MRPL58: variants seen among roughly 807,000 people sequenced by gnomAD.
The protein encoded by MRPL58 is large ribosomal subunit protein mL62.
A neutral mutation model predicts 26.0 loss-of-function variants in MRPL58; 17 were observed. That is an observed-to-expected ratio of 0.65 (90% CI 0.45 to 0.98). MRPL58 has a LOEUF of 0.98. MRPL58 is among the 50% of genes least tolerant of loss of function. The probability of loss-of-function intolerance (pLI) is 0.00; values close to 1 mark genes in which losing one functional copy is unlikely to be tolerated. For synonymous variants in MRPL58, 100 were observed against 99.7 expected (o/e 1.00, Z -0.02); for missense variants, 250 against 269.0 (o/e 0.93, Z 0.49).
In MRPL58 at chr17:75,019,117, G is replaced by A. The variant is rs192874048; in HGVS notation, c.224-583G>A. On this transcript the variant is annotated intron_variant, in intron 2 of 5. Transcript: ENST00000301585. ...TGGACTCCAGCCTGGGTGCCAGAGTGAGACCCTGTCTCAAAAAAAAAAAAA... is the reference window on the plus strand; with the variant it reads ...TGGACTCCAGCCTGGGTGCCAGAGTAAGACCCTGTCTCAAAAAAAAAAAAA... Among the ~76,000 whole-genome samples the A allele has an allele frequency of 2.0e-3, 281 of 139,780 alleles. 3 individuals carry two copies. Among genetic ancestry groups the A allele is most frequent in the African/African-American group, 7.5e-3 (260 of 34,886 alleles). 91.7% of individuals were successfully genotyped at this position (139,780 alleles called of 152,430 possible).
Position 75,021,023 on chromosome 17 carries a change from G to A in MRPL58, c.*18G>A. 2 of 1,575,250 alleles carry A rather than the reference G, an allele frequency of 1.3e-6. No individual in the cohort carries two copies. The highest frequency in any genetic ancestry group is 1.7e-6 in the Non-Finnish European group (2 of 1,144,604). On this transcript the variant is annotated 3_prime_UTR_variant, in exon 6 of 6. Transcript: ENST00000301585. ...TGGACTGAAATCACCCTCTGCAGCT[G>A]GGAGGGCTCTTCTGGGCGTCCGGGC...
intron 2 of MRPL58, among the ~76,000 whole-genome samples, chr17:75,017,475 G>A (rs112027390): frequency 9.2e-5 from 14 of 152,222 alleles, no homozygotes; most frequent in African/African-American, 2.9e-4. Context: ...TAGGCCAGGC[G>A]CAGTGGCTCA....
chr17:75,015,900 T>G (rs2039970412), intron 1 of MRPL58, among the ~76,000 whole-genome samples: 2 of 151,584 alleles, frequency 1.3e-5, no homozygotes, highest in African/African-American at 4.8e-5. Context: ...CAATCCTGCC[T>G]CAGCCTCCCC....
chr17:75,020,716 G>C (rs557030753), intron 5 of MRPL58, 59 bp downstream of exon 5: 1 of 1,541,890 alleles, frequency 6.5e-7, no homozygotes, highest in African/African-American at 1.4e-5. Flanking sequence ...AGTCTACACA[G>C]GTAAGGAAGG....
chr17:75,016,957 C>T (rs2039978511), intron 1 of MRPL58, 121 bp from the exon 2 acceptor site: 1 of 782,592 alleles, frequency 1.3e-6, no homozygotes, highest in Admixed American at 1.8e-5. Context: ...TGCAGGGGAC[C>T]TGAAAATACT....
Position 75,020,485 on chromosome 17 carries a change from C to T in MRPL58, c.367-3C>T, listed in dbSNP as rs1249305582. On this transcript the variant is annotated splice_region_variant and splice_polypyrimidine_tract_variant and intron_variant, in intron 4 of 5. Transcript: ENST00000301585. ...ACTCCAGTTTTTCATTTGTTCTCTG[C>T]AGCATAAAAACAAGATCAACAGGTT... 1.9e-6 allele frequency: 3 copies of T among 1,613,940 alleles called. No individual in the cohort carries two copies. Among genetic ancestry groups the T allele is most frequent in the East Asian group, 4.5e-5 (2 of 44,882 alleles).
At chr17:75,013,692 AACG>A (rs2039950555) in intron 1 of MRPL58, among the ~76,000 whole-genome samples, 1 of 152,218 alleles carries the variant, frequency 6.6e-6, no homozygotes, top group Non-Finnish European at 1.5e-5. Context: ...GCATTTGAAT[AACG>A]ACCTGGAAGA....
chr17:75,020,604 C>T lies in MRPL58; in HGVS notation c.483C>T (p.Ala161=), dbSNP rs745664317. ...AAATTCGAGACATGATCACTGAGGCCAGCCAGACACCGAAGGAGCCAACAA... is the reference window on the plus strand; with the variant it reads ...AAATTCGAGACATGATCACTGAGGCTAGCCAGACACCGAAGGAGCCAACAA... ...LQKIRDMITE[A]SQTPKEPTKE... The change falls in exon 5 of 6, where the codon GCC becomes GCT. Residue 161 remains alanine (A), a synonymous_variant. Transcript: ENST00000301585. 2 of 1,614,128 alleles carry T rather than the reference C, an allele frequency of 1.2e-6. No homozygotes were observed. The highest frequency in any genetic ancestry group is 2.2e-5 in the South Asian group (2 of 91,082).
At chr17:75,013,114 G>T (rs558755473) in intron 1 of MRPL58, among the ~76,000 whole-genome samples, 1 of 152,232 alleles carries the variant, frequency 6.6e-6, no homozygotes, top group Non-Finnish European at 1.5e-5. Context: ...GCTTTTCTAC[G>T]TTCGTGTCCT....
Position 75,020,160 on chromosome 17 carries a change from C to T in MRPL58, c.284-153C>T, listed in dbSNP as rs752295059. 1.4e-5 allele frequency: 9 copies of T among 633,762 alleles called. No homozygotes were observed. The African/African-American group carries it at 1.5e-4, about 10-fold the overall frequency. The allele number at this position is 633,762 out of a possible 1,614,324, so 39.3% of individuals were successfully genotyped here. ...GCCCAAAAGTGCCTCACTGTCTTTG[C>T]GGGCTTGTTCATAGCCAACTTGGAC... is the stretch of plus-strand genomic sequence containing the variant. On this transcript the variant is annotated intron_variant, in intron 3 of 5. Coordinates refer to ENST00000301585, the MANE Select transcript of MRPL58 (RefSeq NM_001545.3).
intron 2 of MRPL58, among the ~76,000 whole-genome samples, 179 bp downstream of exon 2, chr17:75,017,293 AAAAAATT>A (rs953731920): frequency 3.3e-5 from 5 of 151,686 alleles, no homozygotes; most frequent in Non-Finnish European, 5.9e-5. Context: ...CTCTATCTGG[AAAAAATT>A]AAAAATTAAA....
At position 75,019,772 on chromosome 17, in the gene MRPL58, T is replaced by C; in HGVS notation, c.283+13T>C. The C allele has an allele frequency of 1.3e-6, 2 of 1,585,264 alleles. No individual in the cohort carries two copies. The highest frequency in any genetic ancestry group is 3.5e-5 in the Admixed American group (2 of 57,510). On this transcript the variant is annotated intron_variant, in intron 3 of 5. Transcript: ENST00000301585. ...AATGTGAACAAAGGTACGGGGTGCC[T>C]TGTTGCTTTCTTTTGCTTTAAAATG...
At chr17:75,014,235 G>T (rs2039956564) in intron 1 of MRPL58, among the ~76,000 whole-genome samples, 1 of 142,582 alleles carries the variant, frequency 7.0e-6, no homozygotes, top group Non-Finnish European at 1.5e-5. Context: ...GCCCAGGCTG[G>T]AGTGCAGTGA....
chr17:75,019,682 C>T lies in MRPL58; in HGVS notation c.224-18C>T, dbSNP rs760058537. ...TGAGGTAATCAGTTTTGTGTGTGTA[C>T]TTTCTTCTGTTTTACAGATCGCTTG... On this transcript the variant is annotated intron_variant, in intron 2 of 5. Transcript: ENST00000301585. 1.9e-6 allele frequency: 3 copies of T among 1,611,794 alleles called. No individual in the cohort carries two copies. The highest frequency in any genetic ancestry group is 2.5e-6 in the Non-Finnish European group (3 of 1,178,080).
At chr17:75,019,783 T>C (rs776324971) in intron 3 of MRPL58, 24 bp downstream of exon 3, 1 of 1,577,334 alleles carries the variant, frequency 6.3e-7, no homozygotes, top group Non-Finnish European at 8.7e-7. Context: ...TGTTGCTTTC[T>C]TTTGCTTTAA....
Position 75,012,710 on chromosome 17 carries a change from C to T in MRPL58, c.24C>T (p.Arg8=), listed in dbSNP as rs1249188338. 1.9e-6 allele frequency: 3 copies of T among 1,565,870 alleles called. No homozygotes were observed. Among genetic ancestry groups the T allele is most frequent in the African/African-American group, 1.4e-5 (1 of 73,262 alleles). ...GCATGGCGGCCACCAGGTGCCTGCG[C>T]TGGGGCCTGAGCCGAGCCGGAGTCT... MAATRCL[R]WGLSRAGVWL... Residue 8 remains arginine, a synonymous_variant, in exon 1 of 6, where the codon CGC becomes CGT. Coordinates refer to ENST00000301585, the MANE Select transcript of MRPL58 (RefSeq NM_001545.3).
chr17:75,019,748 A>G lies in MRPL58; in HGVS notation c.272A>G (p.Asn91Ser). 1.2e-6 allele frequency: 2 copies of G among 1,607,274 alleles called. No individual in the cohort carries two copies. The highest frequency in any genetic ancestry group is 2.2e-5 in the South Asian group (2 of 90,642). ...YCRSSGPGGQ[N>S]VNKVNSKAEV... Reference sequence around the variant, plus strand: ...CGGAGTAGTGGTCCTGGGGGGCAGAATGTGAACAAAGGTACGGGGTGCCTT... The same window carrying G: ...CGGAGTAGTGGTCCTGGGGGGCAGAGTGTGAACAAAGGTACGGGGTGCCTT... Residue 91 changes from asparagine (N) to serine (S), a missense_variant, in exon 3 of 6, where the codon AAT becomes AGT. By Grantham distance (46) the Asn-to-Ser change is conservative (BLOSUM62 1). Transcript: ENST00000301585.
At chr17:75,012,922 T>TTCCTAACGTCACCCAGCA in intron 1 of MRPL58, 50 bp downstream of exon 1, 1 of 1,545,176 alleles carries the variant, frequency 6.5e-7, no homozygotes, top group Non-Finnish European at 8.8e-7. Flanking sequence ...GGCTGCTGGG[T>TTCCTAACGTCACCCAGCA]GACGTTAGGA....
chr17:75,016,507 G>A (rs566362103), intron 1 of MRPL58, among the ~76,000 whole-genome samples: 11 of 152,326 alleles, frequency 7.2e-5, no homozygotes, highest in African/African-American at 1.9e-4. Flanking sequence ...AGTGGGTGGC[G>A]TTTGCACTGG....
Sources: allele counts gnomAD v4.1 joint callset (sites outside exome capture counted in the v4.1 genomes callset), GRCh38; gene constraint gnomAD v4.1.1; transcripts MANE v1.5; gene names NCBI Gene and HGNC (gene_info 2026-07-23, HGNC 2026-07-21).